The following POLA2 variants were observed in gnomAD, a reference collection of about 807,000 sequenced individuals.
POLA2 encodes the protein DNA polymerase alpha subunit B.
POLA2 carries 47 observed loss-of-function variants against 82.8 expected under a neutral mutation model. The observed-to-expected ratio is 0.57, with a 90% confidence interval of 0.45 to 0.72. The LOEUF (loss-of-function observed/expected upper bound fraction) is 0.72. POLA2 is among the 30% of genes least tolerant of loss of function. The probability of loss-of-function intolerance (pLI) is 0.00; values close to 1 mark genes in which losing one functional copy is unlikely to be tolerated. For missense variants in POLA2, 634 were observed against 728.1 expected (o/e 0.87, Z 1.49); for synonymous variants, 287 against 286.8 (o/e 1.00, Z -0.01).
intron 13 of POLA2, among the ~76,000 whole-genome samples, chr11:65,290,547 T>C (rs1949744293): frequency 6.6e-6 from 1 of 152,064 alleles, no homozygotes; most frequent in African/African-American, 2.4e-5. Context: ...CAAAAAAAAA[T>C]CATGGCAGTT....
downstream of POLA2, among the ~76,000 whole-genome samples, chr11:65,301,775 A>C (rs1363966315): frequency 6.6e-6 from 1 of 152,142 alleles, no homozygotes; most frequent in Admixed American, 6.5e-5. Flanking sequence ...ACCAGAAGAC[A>C]CCCATGGTTG....
At chr11:65,267,777 T>G (rs1031197397) in intron 3 of POLA2, among the ~76,000 whole-genome samples, 5 of 151,868 alleles carry the variant, frequency 3.3e-5, no homozygotes, top group African/African-American at 1.2e-4. Context: ...AAACCCTGTC[T>G]CTATCAAAAG....
chr11:65,291,308 C>T (rs529539713), intron 13 of POLA2, among the ~76,000 whole-genome samples: 14 of 152,310 alleles, frequency 9.2e-5, no homozygotes, highest in Middle Eastern at 3.4e-3. Context: ...GAGAACTGAT[C>T]CCAGAATCAA....
Position 65,297,235 on chromosome 11 carries a change from G to A in POLA2, c.1763G>A (p.Ser588Asn), listed in dbSNP as rs7123885. The A allele has an allele frequency of 2.9e-3, 4,725 of 1,613,270 alleles. 131 individuals carry two copies. The African/African-American group carries it at 0.056, about 19-fold the overall frequency. ...GCAGCGGACGGGGCAGAGAGGCAGA[G>A]CCCATGCATTGCTGTGCAGGTCGTC... ...RPAADGAERQSPCIAVQVVRI is the reference protein window; with the variant it reads ...RPAADGAERQNPCIAVQVVRI The change falls in exon 18 of 18, where the codon AGC becomes AAC. Residue 588 changes from serine to asparagine, a missense_variant. By Grantham distance (46) the Ser-to-Asn change is conservative (BLOSUM62 1). Transcript: ENST00000265465.
intron 17 of POLA2, 33 bp downstream of exon 17, chr11:65,296,023 C>T (rs1949807543): frequency 3.7e-6 from 6 of 1,613,326 alleles, no homozygotes; most frequent in Non-Finnish European, 3.4e-6. Flanking sequence ...CCCAGAAACA[C>T]CAGAACCCAG....
chr11:65,292,309 C>T (rs1352628306), intron 13 of POLA2, among the ~76,000 whole-genome samples: 1 of 152,186 alleles, frequency 6.6e-6, no homozygotes, highest in African/African-American at 2.4e-5. Context: ...GTCCTGTTTG[C>T]GGGAGCAGCT....
intron 1 of POLA2, among the ~76,000 whole-genome samples, chr11:65,264,192 C>T (rs1028235796): frequency 7.9e-5 from 12 of 152,204 alleles, no homozygotes; most frequent in Non-Finnish European, 1.5e-4. Context: ...CTCAGCCTCC[C>T]GAGTAGCTGG....
At chr11:65,287,063 C>T (rs2137562899) in intron 10 of POLA2, among the ~76,000 whole-genome samples, 1 of 152,266 alleles carries the variant, frequency 6.6e-6, no homozygotes, top group South Asian at 2.1e-4. Flanking sequence ...TGTGAATGGC[C>T]TTGTGCCATT....
intron 10 of POLA2, among the ~76,000 whole-genome samples, chr11:65,284,127 C>CTAGA (rs60541542): frequency 0.27 from 39,264 of 142,934 alleles, 5,518 homozygotes; most frequent in East Asian, 0.33. Flanking sequence ...GAGTAAGACA[C>CTAGA]TAGATAGATA....
Position 65,268,839 on chromosome 11 carries a change from T to C in POLA2, c.354+110T>C, listed in dbSNP as rs898407923. Reference sequence around the variant, plus strand: ...TCAACCACTCTCATGCATTTCCTACTATATTTCCACTTATACATCTTCCTT... The same window carrying C: ...TCAACCACTCTCATGCATTTCCTACCATATTTCCACTTATACATCTTCCTT... On this transcript the variant is annotated intron_variant, in intron 4 of 17. Coordinates refer to ENST00000265465, the MANE Select transcript of POLA2 (RefSeq NM_002689.4). 12 of 638,768 alleles carry C rather than the reference T, an allele frequency of 1.9e-5. No homozygotes were observed. The East Asian group carries it at 3.6e-4, about 19-fold the overall frequency. The allele number at this position is 638,768 out of a possible 1,614,324, so 39.6% of individuals were successfully genotyped here.
Position 65,305,566 on chromosome 11 carries a change from C to T in POLA2, c.*65C>T, listed in dbSNP as rs566201155. The stretch of plus-strand genomic sequence containing the variant: ...GTGCGTGCCTGTAGTCCCAGCCACG[C>T]AGGAGGCCAAGGCGGGAGGATGGCT... On this transcript the variant is annotated 3_prime_UTR_variant, in exon 9 of 9. Coordinates refer to the POLA2 transcript ENST00000525924. 3,400 of 365,556 alleles carry T rather than the reference C, an allele frequency of 9.3e-3. 153 individuals are homozygous for T. The highest frequency in any genetic ancestry group is 0.068 in the South Asian group (3,301 of 48,856). The allele number at this position is 365,556 out of a possible 1,614,324, so 22.6% of individuals were successfully genotyped here. A position where few individuals can be genotyped will look rare whatever the true frequency, so the allele number is the denominator to read the frequency against.
chr11:65,288,914 C>G, intron 11 of POLA2, 136 bp from the exon 12 acceptor site: 1 of 781,674 alleles, frequency 1.3e-6, no homozygotes, highest in Non-Finnish European at 2.1e-6. Flanking sequence ...TGCTAACTGT[C>G]CCCAGGCTCT....
chr11:65,291,782 C>G (rs2137579435), intron 13 of POLA2, among the ~76,000 whole-genome samples: 1 of 152,332 alleles, frequency 6.6e-6, no homozygotes, highest in Non-Finnish European at 1.5e-5. Context: ...GATGAGAGCC[C>G]AGCACCACCA....
At chr11:65,291,218 T>C (rs1219487396) in intron 13 of POLA2, among the ~76,000 whole-genome samples, 1 of 152,226 alleles carries the variant, frequency 6.6e-6, no homozygotes, top group East Asian at 1.9e-4. Flanking sequence ...CAAATATTCC[T>C]GAGGCTAAGC....
rs1949609455 is a variant in POLA2, at chr11:65,278,815, T to C, written c.547T>C (p.Ser183Pro). 1 of 1,613,694 alleles carries C rather than the reference T, an allele frequency of 6.2e-7. No homozygotes were observed. Reference protein sequence around the residue: ...SFGLAQGVSWSGRGGAGNISL... With the variant: ...SFGLAQGVSWPGRGGAGNISL... ...CGGCTTAGCACAGGGAGTATCTTGGTCTGGGAGAGGAGGAGCTGGAAACAT... is the reference window on the plus strand; with the variant it reads ...CGGCTTAGCACAGGGAGTATCTTGGCCTGGGAGAGGAGGAGCTGGAAACAT... The change falls in exon 6 of 18, where the codon TCT becomes CCT. Residue 183 changes from serine (S) to proline (P), a missense_variant. Transcript: ENST00000265465.
At position 65,262,081 on chromosome 11, in the gene POLA2, C is replaced by T. The variant is rs755528040; in HGVS notation, c.-212C>T. On this transcript the variant is annotated 5_prime_UTR_variant, in exon 1 of 18. Transcript: ENST00000265465. ...CATTCAGGGCGTTTGGGAGCCACCC[C>T]TTCATTTTTTAAAAAAAGTATTTCT... 4.3e-5 allele frequency: 24 copies of T among 554,654 alleles called. No individual in the cohort carries two copies. The highest frequency in any genetic ancestry group is 6.0e-5 in the Non-Finnish European group (19 of 314,364). 34.4% of individuals were successfully genotyped at this position (554,654 alleles called of 1,614,324 possible).
At chr11:65,287,905 A>G in intron 11 of POLA2, 65 bp downstream of exon 11, 1 of 1,511,656 alleles carries the variant, frequency 6.6e-7, no homozygotes, top group Non-Finnish European at 9.0e-7. Context: ...GAAGTTCTAA[A>G]TTTTTAGGAA....
chr11:65,266,829 T>A, intron 2 of POLA2, 123 bp downstream of exon 2: 1 of 941,256 alleles, frequency 1.1e-6, no homozygotes, highest in Non-Finnish European at 1.6e-6. Context: ...AGTCCCAGTG[T>A]GAGCTTGGAC....
At position 65,287,797 on chromosome 11, in the gene POLA2, T is replaced by G; in HGVS notation, c.1088T>G (p.Leu363Arg). 6.2e-7 allele frequency: 1 copy of G among 1,613,960 alleles called. No individual in the cohort carries two copies. Among genetic ancestry groups the G allele is most frequent in the Non-Finnish European group, 8.5e-7 (1 of 1,179,946 alleles). Residue 363 changes from leucine (L) to arginine (R), a missense_variant, in exon 11 of 18, where the codon CTG becomes CGG. Physicochemically the swap from Leu to Arg is moderately radical, Grantham distance 102. Transcript: ENST00000265465. ...ATCACGTATGACCCCCTGCTTGACC[T>G]GATTGCTGTCATCAACCATGACCGG... The part of the protein sequence containing the change: ...DSITYDPLLD[L>R]IAVINHDRPD...
Sources: allele counts gnomAD v4.1 joint callset (sites outside exome capture counted in the v4.1 genomes callset), GRCh38; gene constraint gnomAD v4.1.1; transcripts MANE v1.5; gene names NCBI Gene and HGNC (gene_info 2026-07-23, HGNC 2026-07-21).